EPB41: variants seen among roughly 807,000 people sequenced by gnomAD.
EPB41 encodes the protein erythrocyte membrane protein band 4.1.
A neutral mutation model predicts 108.0 loss-of-function variants in EPB41; 65 were observed. That is an observed-to-expected ratio of 0.60 (90% CI 0.49 to 0.74). The LOEUF (loss-of-function observed/expected upper bound fraction) is 0.74, where lower values mean the gene tolerates loss of function less well. EPB41 is among the 30% of genes least tolerant of loss of function. EPB41 has a pLI of 0.00. For missense variants in EPB41, 875 were observed against 1,037.0 expected, an observed-to-expected ratio of 0.84 and a Z score of 2.15; for synonymous variants, 336 against 358.9, an observed-to-expected ratio of 0.94 and a Z score of 0.72.
Position 28,993,782 on chromosome 1 carries a change from G to A in EPB41, c.681+240G>A, listed in dbSNP as rs1192894132. On this transcript the variant is annotated intron_variant, in intron 3 of 20. Coordinates refer to ENST00000343067, the MANE Select transcript of EPB41 (RefSeq NM_001376013.1). ...AGTGATTCTCCTGTCTCAGCCTCCC[G>A]AGTAGCTGGGATTACAGCCATGTGC... Among the ~76,000 whole-genome samples the A allele has an allele frequency of 2.0e-5, 3 of 149,524 alleles. No individual in the cohort carries two copies. The highest frequency in any genetic ancestry group is 2.1e-4 in the South Asian group (1 of 4,736).
intron 6 of EPB41, among the ~76,000 whole-genome samples, chr1:29,016,391 G>T (rs945555961): frequency 2.9e-5 from 4 of 136,078 alleles, no homozygotes; most frequent in African/African-American, 1.1e-4. Flanking sequence ...TTTTCGCCAT[G>T]TTGGCCAGGC....
intron 1 of EPB41, among the ~76,000 whole-genome samples, chr1:28,947,431 AAACAAAC>A (rs1222943521): frequency 2.6e-5 from 4 of 151,820 alleles, no homozygotes; most frequent in Admixed American, 2.0e-4. Flanking sequence ...ACAAACAAAC[AAACAAAC>A]AAACAAACAA....
chr1:29,094,192 T>C (rs1662359284), intron 16 of EPB41, among the ~76,000 whole-genome samples: 1 of 152,092 alleles, frequency 6.6e-6, no homozygotes, highest in Non-Finnish European at 1.5e-5. Context: ...ATTTCTAGGT[T>C]CTCTATTCTG....
intron 1 of EPB41, among the ~76,000 whole-genome samples, chr1:28,984,494 C>T (rs1225159039): frequency 1.1e-4 from 16 of 152,140 alleles, no homozygotes; most frequent in Non-Finnish European, 1.6e-4. Flanking sequence ...ATTTCTAGCA[C>T]GTAGCATCAG....
chr1:28,898,882 A>AT (rs1196027031), intron 1 of EPB41, among the ~76,000 whole-genome samples: 17 of 150,106 alleles, frequency 1.1e-4, no homozygotes, highest in Admixed American at 2.0e-4. Context: ...AAATAGCTTT[A>AT]TTTTTTTTTT....
chr1:28,936,649 G>A (rs1351570649), intron 1 of EPB41, among the ~76,000 whole-genome samples: 1 of 152,208 alleles, frequency 6.6e-6, no homozygotes, highest in Non-Finnish European at 1.5e-5. Context: ...CACATAATAT[G>A]TGGTCTTTTA....
At chr1:29,090,927 A>T (rs1288044915) in intron 16 of EPB41, among the ~76,000 whole-genome samples, 2 of 152,162 alleles carry the variant, frequency 1.3e-5, no homozygotes, top group East Asian at 3.9e-4. Context: ...ATTTGACCAT[A>T]TGTGAGTGTG....
intron 7 of EPB41, among the ~76,000 whole-genome samples, chr1:29,026,493 C>T (rs952373244): frequency 2.0e-5 from 3 of 152,114 alleles, no homozygotes; most frequent in African/African-American, 7.2e-5. Context: ...GTCAGAAGGA[C>T]ACAGAATCCA....
In EPB41 at chr1:29,106,564, A is replaced by ATTTTTTTTTTTT; in HGVS notation, c.2314-2756_2314-2745dup. On this transcript the variant is annotated intron_variant, in intron 17 of 20. Coordinates refer to ENST00000343067, the MANE Select transcript of EPB41 (RefSeq NM_001376013.1). ...CCTCTCAGCCTCCCGAGTAGCTGGG[A>ATTTTTTTTTTTT]TTTTTTTTTTTTTTTTTTTTTTTTT... Among the ~76,000 whole-genome samples the ATTTTTTTTTTTT allele has an allele frequency of 7.1e-4, 36 of 50,892 alleles. 11 individuals carry two copies. Among genetic ancestry groups the ATTTTTTTTTTTT allele is most frequent in the East Asian group, 1.4e-3 (2 of 1,460 alleles). The allele number at this position is 50,892 out of a possible 152,430, so 33.4% of individuals were successfully genotyped here. A position where few individuals can be genotyped will look rare whatever the true frequency, so the allele number is the denominator to read the frequency against.
chr1:28,915,375 C>T (rs2092554264), intron 1 of EPB41, among the ~76,000 whole-genome samples: 1 of 152,070 alleles, frequency 6.6e-6, no homozygotes, highest in Admixed American at 6.5e-5. Context: ...TTTCAGTTCG[C>T]GCATCTGTCG....
intron 7 of EPB41, among the ~76,000 whole-genome samples, chr1:29,022,825 G>A (rs983233924): frequency 5.3e-5 from 8 of 152,026 alleles, no homozygotes; most frequent in Admixed American, 5.2e-4. Context: ...TCAATATATT[G>A]CAACAGATTG....
At chr1:28,900,004 T>G (rs1570111329) in intron 1 of EPB41, among the ~76,000 whole-genome samples, 1 of 152,364 alleles carries the variant, frequency 6.6e-6, no homozygotes, top group East Asian at 1.9e-4. Flanking sequence ...AAGGGCTAAA[T>G]TAAATAATTT....
In EPB41 at chr1:28,959,212, CTTTTTTT is replaced by C. The variant is rs34502231; in HGVS notation, c.-7-28202_-7-28196del. Among the ~76,000 whole-genome samples, 7 of 97,946 alleles carry C rather than the reference CTTTTTTT, an allele frequency of 7.1e-5. 1 individual carries two copies. In the South Asian group the frequency reaches 1.6e-3, roughly 22 times the overall value. 64.3% of individuals were successfully genotyped at this position (97,946 alleles called of 152,430 possible). A position where few individuals can be genotyped will look rare whatever the true frequency, so the allele number is the denominator to read the frequency against. On this transcript the variant is annotated intron_variant, in intron 1 of 20. Coordinates refer to ENST00000343067, the MANE Select transcript of EPB41 (RefSeq NM_001376013.1). ...ACTACGGAGCCTTTAAAAGTTTGAT[CTTTTTTT>C]TTTTTTTTTTTTTTTTGAGACGGAG...
At chr1:29,087,462 A>G (rs1659529920) in intron 16 of EPB41, among the ~76,000 whole-genome samples, 1 of 152,032 alleles carries the variant, frequency 6.6e-6, no homozygotes, top group Admixed American at 6.6e-5. Context: ...TCCTTGGTTC[A>G]AGCAATTCTC....
chr1:29,014,888 G>A (rs1249791397), intron 5 of EPB41, among the ~76,000 whole-genome samples: 2 of 152,222 alleles, frequency 1.3e-5, no homozygotes, highest in Non-Finnish European at 2.9e-5. Context: ...GCTTATGCCT[G>A]TAATCCCAGC....
upstream of EPB41, among the ~76,000 whole-genome samples, chr1:28,912,349 T>C (rs2148012020): frequency 6.6e-6 from 1 of 152,178 alleles, no homozygotes; most frequent in Non-Finnish European, 1.5e-5. Flanking sequence ...GATAAGGGTG[T>C]TTGAGTGGAG....
At chr1:28,932,623 A>C (rs1040019026) in intron 1 of EPB41, among the ~76,000 whole-genome samples, 2 of 151,928 alleles carry the variant, frequency 1.3e-5, no homozygotes, top group Admixed American at 6.6e-5. Context: ...CTCCTCTGTT[A>C]AGTTTTAGAC....
chr1:28,920,701 G>A (rs1286674980), intron 1 of EPB41, among the ~76,000 whole-genome samples: 1 of 152,080 alleles, frequency 6.6e-6, no homozygotes, highest in Non-Finnish European at 1.5e-5. Flanking sequence ...GTGCAGTGGT[G>A]CGATCATGGC....
intron 1 of EPB41, among the ~76,000 whole-genome samples, chr1:28,899,520 A>C (rs1209411639): frequency 2.0e-5 from 3 of 152,162 alleles, no homozygotes; most frequent in Non-Finnish European, 4.4e-5. Flanking sequence ...GCAGGCACTC[A>C]AGAAAAGCAG....
Sources: allele counts gnomAD v4.1 joint callset (sites outside exome capture counted in the v4.1 genomes callset), GRCh38; gene constraint gnomAD v4.1.1; transcripts MANE v1.5; gene names NCBI Gene and HGNC (gene_info 2026-07-23, HGNC 2026-07-21).